The following C16orf74 variants were observed in gnomAD, a reference collection of about 807,000 sequenced individuals.
C16orf74 encodes the protein calcimembrin, also known as uncharacterized protein C16orf74.
Under a neutral mutation model 6.5 loss-of-function variants are expected in C16orf74, and 10 were observed. That is an observed-to-expected ratio of 1.54 (90% CI 0.95 to 2.61). The LOEUF (loss-of-function observed/expected upper bound fraction) is 2.61. C16orf74 is among the 30% of genes most tolerant of loss of function. The pLI is 0.00. For missense variants in C16orf74, 141 were observed against 105.9 expected (o/e 1.33, Z -1.45); for synonymous variants, 60 against 42.5 (o/e 1.41, Z -1.60).
chr16:85,732,390 G>A (rs2054198481), intron 2 of C16orf74, among the ~76,000 whole-genome samples: 1 of 152,300 alleles, frequency 6.6e-6, no homozygotes, highest in East Asian at 1.9e-4. Flanking sequence ...TCTGGGCCAG[G>A]TGTGGTGGCT....
At chr16:85,717,002 C>T (rs560957156) in intron 2 of C16orf74, among the ~76,000 whole-genome samples, 8 of 152,322 alleles carry the variant, frequency 5.3e-5, no homozygotes, top group African/African-American at 1.7e-4. Flanking sequence ...GACCCAGGCC[C>T]GTCCCAAGGC....
intron 2 of C16orf74, among the ~76,000 whole-genome samples, chr16:85,716,744 C>G (rs1364405070): frequency 1.3e-5 from 2 of 151,694 alleles, no homozygotes; most frequent in African/African-American, 2.4e-5. Flanking sequence ...AGAGAGACAC[C>G]CCAGCCCCTC....
chr16:85,717,150 A>G (rs936898638), intron 2 of C16orf74, among the ~76,000 whole-genome samples: 2 of 152,176 alleles, frequency 1.3e-5, no homozygotes, highest in African/African-American at 4.8e-5. Context: ...AGACCAGACC[A>G]CAGAACCCAG....
At chr16:85,742,833 G>A (rs1353195675) in intron 1 of C16orf74, among the ~76,000 whole-genome samples, 1 of 152,208 alleles carries the variant, frequency 6.6e-6, no homozygotes, top group African/African-American at 2.4e-5. Context: ...GAGCCACGGT[G>A]CCCAGCATGA....
At chr16:85,745,327 G>T (rs943998319) in intron 1 of C16orf74, among the ~76,000 whole-genome samples, 4 of 152,112 alleles carry the variant, frequency 2.6e-5, no homozygotes, top group Middle Eastern at 3.4e-3. Context: ...CTTCTCTAAG[G>T]CCAAGAGCAT....
chr16:85,712,923 C>T (rs74034058), intron 2 of C16orf74, among the ~76,000 whole-genome samples: 4,512 of 152,260 alleles, frequency 0.03, 247 homozygotes, highest in African/African-American at 0.1. Flanking sequence ...CCGGGTCATG[C>T]CCGGAGAGAC....
chr16:85,716,686 G>T (rs1368805816), intron 2 of C16orf74, among the ~76,000 whole-genome samples: 2 of 148,308 alleles, frequency 1.3e-5, no homozygotes, highest in Non-Finnish European at 3.0e-5. Flanking sequence ...GGAGGAGGAA[G>T]GCGAGAGGGA....
intron 1 of C16orf74, among the ~76,000 whole-genome samples, chr16:85,744,457 C>T (rs750005647): frequency 6.6e-5 from 10 of 151,846 alleles, no homozygotes; most frequent in Non-Finnish European, 1.0e-4. Flanking sequence ...TTTATGTTCC[C>T]GTTGAAATAT....
At chr16:85,717,750 A>G (rs1422631137) in intron 2 of C16orf74, among the ~76,000 whole-genome samples, 2 of 152,204 alleles carry the variant, frequency 1.3e-5, no homozygotes, top group Non-Finnish European at 2.9e-5. Flanking sequence ...AAAGGAGAAC[A>G]CTGAGCTTTG....
intron 2 of C16orf74, among the ~76,000 whole-genome samples, chr16:85,713,227 T>C (rs905574824): frequency 6.6e-6 from 1 of 152,086 alleles, no homozygotes; most frequent in Admixed American, 6.5e-5. Flanking sequence ...TCTCTACCTC[T>C]TGCCTTCACA....
chr16:85,736,728 TA>T lies in C16orf74; in HGVS notation c.-18-1494del, dbSNP rs1393474773. 8.5e-5 allele frequency among the ~76,000 whole-genome samples: 13 copies of T among 152,320 alleles called. No individual in the cohort carries two copies. The East Asian group carries it at 2.3e-3, about 27-fold the overall frequency. ...CCCAGCCATGTGATCACGGATAGTT[TA>T]TCTCAAGACTTCACTTTCCTCATCT... On this transcript the variant is annotated intron_variant, in intron 1 of 3. Coordinates refer to ENST00000284245, the MANE Select transcript of C16orf74 (RefSeq NM_206967.3).
Position 85,707,876 on chromosome 16 carries a change from T to C in C16orf74, c.*132A>G. 1 of 708,274 alleles carries C rather than the reference T, an allele frequency of 1.4e-6. No individual in the cohort carries two copies. Among genetic ancestry groups the C allele is most frequent in the Non-Finnish European group, 2.4e-6 (1 of 421,064 alleles). 43.9% of individuals were successfully genotyped at this position (708,274 alleles called of 1,614,324 possible). A position where few individuals can be genotyped will look rare whatever the true frequency, so the allele number is the denominator to read the frequency against. On this transcript the variant is annotated 3_prime_UTR_variant, in exon 4 of 4. Transcript: ENST00000284245. ...CCTCGCTGGTCCTGCCACGTCTCTC[T>C]GAGCGGAGGCCCGGGTTCGCTCAGT...
chr16:85,744,217 C>T (rs2054343506), intron 1 of C16orf74: 1 of 87,318 alleles, frequency 1.1e-5, no homozygotes, highest in Non-Finnish European at 2.3e-5. Flanking sequence ...AAGAGCAAAA[C>T]TCCGTCTCAA....
At chr16:85,725,386 G>A (rs1298949953) in intron 2 of C16orf74, among the ~76,000 whole-genome samples, 2 of 152,186 alleles carry the variant, frequency 1.3e-5, no homozygotes, top group Non-Finnish European at 2.9e-5. Context: ...GGAAGGCAAG[G>A]ACATTGGCTG....
chr16:85,719,122 G>A (rs984132677), intron 2 of C16orf74, among the ~76,000 whole-genome samples: 10 of 152,212 alleles, frequency 6.6e-5, no homozygotes, highest in African/African-American at 2.4e-4. Context: ...GCCAGCTTAT[G>A]TCACCCTCCT....
At chr16:85,748,940 TTTTTTTTA>T (rs2054404860) in intron 1 of C16orf74, among the ~76,000 whole-genome samples, 1 of 127,922 alleles carries the variant, frequency 7.8e-6, no homozygotes, top group African/African-American at 2.5e-5. Context: ...TTTTTTTTTT[TTTTTTTTA>T]TTTTATTTTT....
chr16:85,716,820 G>A (rs372992557), intron 2 of C16orf74, among the ~76,000 whole-genome samples: 3 of 152,268 alleles, frequency 2.0e-5, no homozygotes, highest in East Asian at 3.9e-4. Flanking sequence ...AAGCTCTCAG[G>A]AGGATGAAGC....
Position 85,707,946 on chromosome 16 carries a change from C to T in C16orf74, c.*62G>A. On this transcript the variant is annotated 3_prime_UTR_variant, in exon 4 of 4. Coordinates refer to ENST00000284245, the MANE Select transcript of C16orf74 (RefSeq NM_206967.3). ...CACACCTGCTCCAGGCAGCCACGCCCCCGGACACCTGAAGCCGGGCCGCTG... is the reference window on the plus strand; with the variant it reads ...CACACCTGCTCCAGGCAGCCACGCCTCCGGACACCTGAAGCCGGGCCGCTG... 6.9e-7 allele frequency: 1 copy of T among 1,453,262 alleles called. No homozygotes were observed. The highest frequency in any genetic ancestry group is 1.2e-5 in the South Asian group (1 of 82,112). The allele number at this position is 1,453,262 out of a possible 1,614,324, so 90.0% of individuals were successfully genotyped here. A position where few individuals can be genotyped will look rare whatever the true frequency, so the allele number is the denominator to read the frequency against.
intron 2 of C16orf74, among the ~76,000 whole-genome samples, chr16:85,720,795 G>C (rs1268634615): frequency 1.3e-5 from 2 of 149,778 alleles, no homozygotes; most frequent in Admixed American, 1.3e-4. Flanking sequence ...AAAAAAAGCG[G>C]TTGGGGGTGG....
Sources: gnomAD v4.1 joint callset for allele counts (sites outside exome capture counted in the v4.1 genomes callset) on GRCh38, gnomAD v4.1.1 for gene constraint, MANE v1.5 for transcripts, NCBI Gene and HGNC (gene_info 2026-07-23, HGNC 2026-07-21) for gene names.